Variants in NR1D1 observed in about 807,000 individuals in gnomAD.
The protein encoded by NR1D1 is nuclear receptor subfamily 1 group D member 1.
A neutral mutation model predicts 51.1 loss-of-function variants in NR1D1; 17 were observed. The ratio of observed to expected loss-of-function variants is 0.33; its 90% confidence interval spans 0.23 to 0.50. NR1D1 has a LOEUF of 0.50. Ranked by LOEUF, NR1D1 falls within the 20% of genes least tolerant of loss-of-function variation. NR1D1 has a pLI of 0.98. For synonymous variants in NR1D1, 341 were observed against 333.4 expected (o/e 1.02, Z -0.25); for missense variants, 647 against 830.4 (o/e 0.78, Z 2.71).
At position 40,096,481 on chromosome 17, in the gene NR1D1, C is replaced by T. The variant is rs1481980636; in HGVS notation, c.566G>A (p.Arg189His). Residue 189 changes from arginine (R) to histidine (H), a missense_variant, in exon 4 of 8, where the codon CGC (arginine) becomes CAC (histidine). Transcript: ENST00000246672. ...RINRNRCQQCRFKKCLSVGMS... is the reference protein window; with the variant it reads ...RINRNRCQQCHFKKCLSVGMS... The stretch of plus-strand genomic sequence containing the variant: ...GCCCACAGAGAGACACTTCTTGAAG[C>T]GACATTGCTGGCAGCGGTTGCGATT... The T allele has an allele frequency of 6.2e-7, 1 of 1,614,228 alleles. No individual in the cohort carries two copies. Among genetic ancestry groups the T allele is most frequent in the African/African-American group, 1.3e-5 (1 of 75,048 alleles).
chr17:40,095,599 AG>A lies in NR1D1; in HGVS notation c.1092del (p.Tyr365ThrfsTer56). On this transcript the variant is annotated frameshift_variant, in exon 5 of 8. Coordinates refer to ENST00000246672, the MANE Select transcript of NR1D1 (RefSeq NM_021724.5). LOFTEE classifies it high-confidence loss of function. ...ALNGLRQAPS[S>X]YPPTWPPGPA... is the part of the protein sequence containing the mutation. ...GGGCCAGGAGGCCAGGTGGGAGGGT[AG>A]GAGGAGGGAGCCTGGCGCAGACCAT... 1.2e-6 allele frequency: 2 copies of A among 1,611,284 alleles called. No individual in the cohort carries two copies. Among genetic ancestry groups the A allele is most frequent in the Non-Finnish European group, 1.7e-6 (2 of 1,178,494 alleles).
In NR1D1 at chr17:40,095,679, G is replaced by C; in HGVS notation, c.1013C>G (p.Pro338Arg). The C allele has an allele frequency of 6.2e-7, 1 of 1,612,492 alleles. No individual in the cohort carries two copies. The highest frequency in any genetic ancestry group is 8.5e-7 in the Non-Finnish European group (1 of 1,178,862). The part of the protein sequence containing the change: ...PHRWENQGCP[P>R]APNDNNTLAA... ...CAAGGTGTTGTTGTCATTGGGGGCA[G>C]GTGGGCAGCCCTGATTTTCCCAGCG... is the stretch of plus-strand genomic sequence containing the variant. The change falls in exon 5 of 8, where the codon CCT (proline) becomes CGT (arginine). Residue 338 changes from proline (P) to arginine (R), a missense_variant. By Grantham distance (103) the Pro-to-Arg change is moderately radical (BLOSUM62 -2). This residue lies in a region of NR1D1 where 185 missense variants were observed against 176.3 expected (regional missense o/e 1.05). Transcript: ENST00000246672.
chr17:40,096,191 C>T (rs983569824), intron 4 of NR1D1, 104 bp from the exon 5 acceptor site: 1 of 1,476,002 alleles, frequency 6.8e-7, no homozygotes, highest in East Asian at 2.3e-5. Flanking sequence ...CTTGGGGTTT[C>T]ACATCAAAAC....
At position 40,095,596 on chromosome 17, in the gene NR1D1, G is replaced by A. The variant is rs1459620695; in HGVS notation, c.1096C>T (p.Pro366Ser). 8.1e-6 allele frequency: 13 copies of A among 1,611,414 alleles called. No individual in the cohort carries two copies. The highest frequency in any genetic ancestry group is 1.0e-5 in the Non-Finnish European group (12 of 1,178,536). Residue 366 changes from proline (P) to serine (S), a missense_variant, in exon 5 of 8, where the codon CCT becomes TCT. Coordinates refer to ENST00000246672, the MANE Select transcript of NR1D1 (RefSeq NM_021724.5). Reference sequence around the variant, plus strand: ...GCAGGGCCAGGAGGCCAGGTGGGAGGGTAGGAGGAGGGAGCCTGGCGCAGA... The same window carrying A: ...GCAGGGCCAGGAGGCCAGGTGGGAGAGTAGGAGGAGGGAGCCTGGCGCAGA... ...NGLRQAPSSY[P>S]PTWPPGPAHH...
In NR1D1 at chr17:40,100,523, G is replaced by A. The variant is rs2145107518; in HGVS notation, c.-429C>T. 2 of 444,512 alleles carry A rather than the reference G, an allele frequency of 4.5e-6. No homozygotes were observed. Among genetic ancestry groups the A allele is most frequent in the East Asian group, 6.8e-5 (2 of 29,432 alleles). 27.5% of individuals were successfully genotyped at this position (444,512 alleles called of 1,614,324 possible). A position where few individuals can be genotyped will look rare whatever the true frequency, so the allele number is the denominator to read the frequency against. On this transcript the variant is annotated 5_prime_UTR_variant, in exon 1 of 8. Transcript: ENST00000246672. ...GTAAGTAGGTGATGGGGAGAAACGG[G>A]GCACCGAGTCGCAAAGAGGCGAGAC... is the stretch of plus-strand genomic sequence containing the variant.
rs368700302 is a variant in NR1D1, at chr17:40,100,110, G to A, written c.-16C>T. Reference sequence around the variant, plus strand: ...GGGTCGTCATGTCTTCACCAGCTGAGAGCGGTCATTCAAACTGGACCTTGA... The same window carrying A: ...GGGTCGTCATGTCTTCACCAGCTGAAAGCGGTCATTCAAACTGGACCTTGA... On this transcript the variant is annotated 5_prime_UTR_variant, in exon 1 of 8. Coordinates refer to ENST00000246672, the MANE Select transcript of NR1D1 (RefSeq NM_021724.5). 19 of 1,607,202 alleles carry A rather than the reference G, an allele frequency of 1.2e-5. No individual in the cohort carries two copies. The African/African-American group carries it at 2.4e-4, about 20-fold the overall frequency.
At chr17:40,094,896 CA>C (rs540045515) in intron 6 of NR1D1, 38 bp downstream of exon 6, 7 of 1,594,890 alleles carry the variant, frequency 4.4e-6, no homozygotes, top group Non-Finnish European at 5.1e-6. Context: ...AACTCTGTCT[CA>C]AAAAAAACAA....
In NR1D1 at chr17:40,093,545, T is replaced by C. The variant is rs1987672194; in HGVS notation, c.1646-263A>G. On this transcript the variant is annotated intron_variant, in intron 7 of 7. Coordinates refer to ENST00000246672, the MANE Select transcript of NR1D1 (RefSeq NM_021724.5). This position sits in a 1 kb window ranked among gnomAD's most constrained non-coding sequence, Gnocchi z 5.9. ...CTTCCCTTCCTCAGCAGGCCAAACATGGCCAGACTCCCTTGCTTTTTGCTG... is the reference window on the plus strand; with the variant it reads ...CTTCCCTTCCTCAGCAGGCCAAACACGGCCAGACTCCCTTGCTTTTTGCTG... 5.3e-6 allele frequency: 6 copies of C among 1,139,220 alleles called. No individual in the cohort carries two copies. In the East Asian group the frequency reaches 1.0e-4, roughly 20 times the overall value. The allele number at this position is 1,139,220 out of a possible 1,614,324, so 70.6% of individuals were successfully genotyped here. A position where few individuals can be genotyped will look rare whatever the true frequency, so the allele number is the denominator to read the frequency against.
In NR1D1 at chr17:40,100,238, C is replaced by T; in HGVS notation, c.-144G>A. On this transcript the variant is annotated 5_prime_UTR_variant, in exon 1 of 8. Coordinates refer to ENST00000246672, the MANE Select transcript of NR1D1 (RefSeq NM_021724.5). ...GATCAGGATCCGAAGCACCCTGCAG[C>T]AAGGTCTTGGGGTGGCCGGACTGCA... 5.5e-6 allele frequency: 4 copies of T among 721,978 alleles called. No individual in the cohort carries two copies. The highest frequency in any genetic ancestry group is 2.9e-5 in the South Asian group (2 of 67,820). The allele number at this position is 721,978 out of a possible 1,614,324, so 44.7% of individuals were successfully genotyped here.
rs765714541 is a variant in NR1D1, at chr17:40,093,229, G to A, written c.1699C>T (p.Leu567=). The change falls in exon 8 of 8, where the codon CTG becomes TTG. Residue 567 remains leucine, a synonymous_variant. Coordinates refer to ENST00000246672, the MANE Select transcript of NR1D1 (RefSeq NM_021724.5). This position sits in a 1 kb window ranked among gnomAD's most constrained non-coding sequence, Gnocchi z 5.9. ...AGCACCAGAGCCCGAAGAGCCCGCA[G>A]CAGCGTCTCCTGGAGCTGCTCCACC... ...ASVEQLQETL[L]RALRALVLKN... 7 of 1,613,736 alleles carry A rather than the reference G, an allele frequency of 4.3e-6. No homozygotes were observed. In the Admixed American group the frequency reaches 1.0e-4, roughly 23 times the overall value.
intron 2 of NR1D1, 32 bp downstream of exon 2, chr17:40,097,033 C>A (rs754111671): frequency 1.5e-5 from 24 of 1,555,898 alleles, no homozygotes; most frequent in Non-Finnish European, 2.0e-5. Flanking sequence ...GGCCTGCTTC[C>A]CTTCCCCCGA....
intron 2 of NR1D1, 89 bp downstream of exon 2, chr17:40,096,976 C>A: frequency 2.2e-6 from 3 of 1,346,590 alleles, no homozygotes; most frequent in Non-Finnish European, 3.1e-6. Context: ...CAGAATAGGT[C>A]CTGGCAAGAC....
Position 40,093,333 on chromosome 17 carries a change from A to G in NR1D1, c.1646-51T>C. ...GCGGACTCCCCGAGCTCCTCTGAGG[A>G]GGAACCGGAGGTCTGCGAGGACCTG... On this transcript the variant is annotated intron_variant, in intron 7 of 7. Transcript: ENST00000246672. The surrounding 1 kb of genome is among the most constrained non-coding windows in gnomAD (Gnocchi z 5.9). 6.2e-7 allele frequency: 1 copy of G among 1,613,090 alleles called. No homozygotes were observed. Among genetic ancestry groups the G allele is most frequent in the Non-Finnish European group, 8.5e-7 (1 of 1,179,938 alleles).
intron 6 of NR1D1, among the ~76,000 whole-genome samples, chr17:40,094,519 G>A (rs1314229716): frequency 2.0e-5 from 3 of 152,208 alleles, no homozygotes; most frequent in Non-Finnish European, 4.4e-5. Flanking sequence ...AGGCTATAAG[G>A]ACAAAGATAC....
At chr17:40,099,260 C>A (rs1451769504) in intron 1 of NR1D1, among the ~76,000 whole-genome samples, 2 of 152,210 alleles carry the variant, frequency 1.3e-5, no homozygotes, top group African/African-American at 4.8e-5. Flanking sequence ...CCTTCCCCGG[C>A]CACCAGGTCG....
At chr17:40,096,326 C>T in intron 4 of NR1D1, 117 bp downstream of exon 4, 3 of 1,415,734 alleles carry the variant, frequency 2.1e-6, no homozygotes, top group East Asian at 2.5e-5. Flanking sequence ...ATGGACATCC[C>T]CTGGCACATG....
rs61736537 is a variant in NR1D1 at position 40,095,582 on chromosome 17, A to C, written c.1110T>G (p.Pro370=). ...GGCAGCTGTGGTGTGCAGGGCCAGG[A>C]GGCCAGGTGGGAGGGTAGGAGGAGG... ...QAPSSYPPTW[P]PGPAHHSCHQ... Residue 370 remains proline (P), a synonymous_variant, in exon 5 of 8, where the codon CCT becomes CCG. Transcript: ENST00000246672. 318 of 1,610,842 alleles carry C rather than the reference A, an allele frequency of 2.0e-4. No homozygotes were observed. In the African/African-American group the frequency reaches 3.8e-3, roughly 19 times the overall value.
intron 5 of NR1D1, 76 bp downstream of exon 5, chr17:40,095,368 A>C: frequency 6.7e-7 from 1 of 1,491,670 alleles, no homozygotes; most frequent in South Asian, 1.4e-5. Context: ...AGGAACCCCC[A>C]GCTGCCCTAC....
intron 6 of NR1D1, 100 bp downstream of exon 6, chr17:40,094,835 T>C (rs1403825312): frequency 4.6e-6 from 5 of 1,093,434 alleles, no homozygotes; most frequent in Non-Finnish European, 5.3e-6. Flanking sequence ...GAGGTGGAGG[T>C]TGCAGTGAGT....
Sources: gnomAD v4.1 joint callset for allele counts (sites outside exome capture counted in the v4.1 genomes callset) on GRCh38, gnomAD v4.1.1 for gene constraint, gnomAD v4.1.1 regional missense constraint, Gnocchi (gnomAD v3.1) non-coding constraint, MANE v1.5 for transcripts, NCBI Gene and HGNC (gene_info 2026-07-23, HGNC 2026-07-21) for gene names.